NTNG2: variants seen among roughly 807,000 people sequenced by gnomAD.
NTNG2 encodes netrin G2, also known as netrin-G2.
In NTNG2, 15 loss-of-function variants were observed where a neutral mutation model predicts 47.6. The ratio of observed to expected loss-of-function variants is 0.32; its 90% CI spans 0.21 to 0.49. The LOEUF is 0.49. NTNG2 is among the 20% of genes least tolerant of loss of function. The pLI is 0.99. For missense variants in NTNG2, 578 were observed against 764.6 expected (o/e 0.76, Z 2.88); for synonymous variants, 307 against 324.6 (o/e 0.95, Z 0.58).
rs1169197909 is a variant in NTNG2 at position 132,215,462 on chromosome 9, C to G, written c.858-11387C>G. ...GGGTGTGGTGGCGGGCGCCTGTAAT[C>G]CCAGCTACTCGGGAGGCTGAGGCAG... On this transcript the variant is annotated intron_variant, in intron 3 of 7. Coordinates refer to ENST00000393229, the MANE Select transcript of NTNG2 (RefSeq NM_032536.4). The surrounding 1 kb of genome is among the most constrained non-coding windows in gnomAD (Gnocchi z 4.2). 2.1e-5 allele frequency among the ~76,000 whole-genome samples: 3 copies of G among 143,086 alleles called. No homozygotes were observed. Among genetic ancestry groups the G allele is most frequent in the African/African-American group, 8.0e-5 (3 of 37,586 alleles). 93.9% of individuals were successfully genotyped at this position (143,086 alleles called of 152,430 possible). A position where few individuals can be genotyped will look rare whatever the true frequency, so the allele number is the denominator to read the frequency against.
intron 1 of NTNG2, chr9:132,166,062 G>C (rs552539292): frequency 6.6e-6 from 1 of 152,364 alleles, no homozygotes; most frequent in East Asian, 1.9e-4. Flanking sequence ...GATGGATTGA[G>C]AGCTGAGATC....
Position 132,189,068 on chromosome 9 carries a change from C to CTTTTTTTTTTTTTTTTTTTTT in NTNG2, c.214-8891_214-8871dup, listed in dbSNP as rs749756559. ...TATGTGAAAAAGGCTTTAAGCCTTT[C>CTTTTTTTTTTTTTTTTTTTTT]TTTTTTTTTTTTTTTTTTTTTTTTT... On this transcript the variant is annotated intron_variant, in intron 2 of 7. Coordinates refer to ENST00000393229, the MANE Select transcript of NTNG2 (RefSeq NM_032536.4). Among the ~76,000 whole-genome samples, 367 of 93,276 alleles carry CTTTTTTTTTTTTTTTTTTTTT rather than the reference C, an allele frequency of 3.9e-3. 80 individuals are homozygous for CTTTTTTTTTTTTTTTTTTTTT. Among genetic ancestry groups the CTTTTTTTTTTTTTTTTTTTTT allele is most frequent in the Middle Eastern group, 0.02 (3 of 150 alleles). The allele number at this position is 93,276 out of a possible 152,430, so 61.2% of individuals were successfully genotyped here.
rs112765705 is a variant in NTNG2 at position 132,167,924 on chromosome 9, G to A, written c.213+880G>A. 1.4e-4 allele frequency among the ~76,000 whole-genome samples: 22 copies of A among 152,316 alleles called. 1 individual carries two copies. Among genetic ancestry groups the A allele is most frequent in the African/African-American group, 3.9e-4 (16 of 41,552 alleles). ...CAGGGGAGGGCTCTGGCCCAGTGAC[G>A]TCTGTGGGCTTCTGTTCTGTCATCT... On this transcript the variant is annotated intron_variant, in intron 2 of 7. Coordinates refer to ENST00000393229, the MANE Select transcript of NTNG2 (RefSeq NM_032536.4).
At position 132,163,043 on chromosome 9, in the gene NTNG2, G is replaced by A. The variant is rs1835202046; in HGVS notation, c.-484+804G>A. On this transcript the variant is annotated intron_variant, in intron 1 of 7. Transcript: ENST00000393229. The surrounding 1 kb of genome is among the most constrained non-coding windows in gnomAD (Gnocchi z 7.2). ...CACAGGCGGCAGCGCCGGGGCAAAG[G>A]ATACAGCCAGTTCCTGGGCGCCCTG... Among the ~76,000 whole-genome samples, 1 of 152,190 alleles carries A rather than the reference G, an allele frequency of 6.6e-6. No homozygotes were observed. The highest frequency in any genetic ancestry group is 2.4e-5 in the African/African-American group (1 of 41,440).
At chr9:132,223,902 C>G (rs141482864) in intron 3 of NTNG2, among the ~76,000 whole-genome samples, 1 of 152,028 alleles carries the variant, frequency 6.6e-6, no homozygotes, top group Non-Finnish European at 1.5e-5. Context: ...GTCTCCTGGT[C>G]TGGCCTCCTC....
intron 2 of NTNG2, among the ~76,000 whole-genome samples, chr9:132,175,459 G>A (rs1398222897): frequency 6.6e-6 from 1 of 152,218 alleles, no homozygotes; most frequent in Non-Finnish European, 1.5e-5. Flanking sequence ...CGTGGTTGCT[G>A]AGCCATGGCC....
intron 3 of NTNG2, among the ~76,000 whole-genome samples, chr9:132,206,738 T>C (rs754309960): frequency 5.3e-5 from 8 of 152,240 alleles, no homozygotes; most frequent in Non-Finnish European, 1.0e-4. Context: ...ACAGACATTT[T>C]GTTAAGTACA....
chr9:132,196,750 C>T (rs774014170), intron 2 of NTNG2, among the ~76,000 whole-genome samples: 21 of 152,166 alleles, frequency 1.4e-4, no homozygotes, highest in Non-Finnish European at 1.2e-4. Flanking sequence ...CCGATGATTC[C>T]GTTCAATTGT....
intron 3 of NTNG2, among the ~76,000 whole-genome samples, chr9:132,203,912 G>A (rs1244682848): frequency 6.6e-6 from 1 of 152,228 alleles, no homozygotes; most frequent in African/African-American, 2.4e-5. Flanking sequence ...GAACAGGAAA[G>A]GAGGAATGAG....
intron 5 of NTNG2, among the ~76,000 whole-genome samples, chr9:132,237,789 G>A (rs532127278): frequency 6.6e-6 from 1 of 152,334 alleles, no homozygotes; most frequent in East Asian, 1.9e-4. Flanking sequence ...GCCCATCCCG[G>A]CTCCCCTGGG....
At chr9:132,217,857 A>T (rs1840093046) in intron 3 of NTNG2, among the ~76,000 whole-genome samples, 1 of 152,200 alleles carries the variant, frequency 6.6e-6, no homozygotes, top group African/African-American at 2.4e-5. Context: ...GGATGGGGTT[A>T]CCATCTCTCA....
intron 2 of NTNG2, among the ~76,000 whole-genome samples, chr9:132,179,050 G>C (rs751350282): frequency 4.6e-5 from 7 of 151,924 alleles, no homozygotes; most frequent in Non-Finnish European, 8.8e-5. Flanking sequence ...GAGGGTTGGA[G>C]TGACTTCCTT....
At position 132,208,455 on chromosome 9, in the gene NTNG2, G is replaced by C. The variant is rs566321216; in HGVS notation, c.857+9846G>C. On this transcript the variant is annotated intron_variant, in intron 3 of 7. Coordinates refer to ENST00000393229, the MANE Select transcript of NTNG2 (RefSeq NM_032536.4). This position sits in a 1 kb window ranked among gnomAD's most constrained non-coding sequence, Gnocchi z 4.0. ...CCGGTGTTTGGAAATCTGAGTTGGG[G>C]GTGGCGGTGCTGGAGGCCTGCAGGA... Among the ~76,000 whole-genome samples, 1 of 152,184 alleles carries C rather than the reference G, an allele frequency of 6.6e-6. No individual in the cohort carries two copies. Among genetic ancestry groups the C allele is most frequent in the Non-Finnish European group, 1.5e-5 (1 of 68,032 alleles).
chr9:132,221,855 G>A lies in NTNG2; in HGVS notation c.858-4994G>A, dbSNP rs191955940. 1.6e-4 allele frequency among the ~76,000 whole-genome samples: 24 copies of A among 152,274 alleles called. No individual in the cohort carries two copies. Among genetic ancestry groups the A allele is most frequent in the Non-Finnish European group, 2.9e-4 (20 of 68,028 alleles). On this transcript the variant is annotated intron_variant, in intron 3 of 7. Transcript: ENST00000393229. This position sits in a 1 kb window ranked among gnomAD's most constrained non-coding sequence, Gnocchi z 4.2. The stretch of plus-strand genomic sequence containing the variant: ...CTGTTACAATATGCTTCTTGGATTC[G>A]GCCGGTCTTCTATGCATCTTTACTA...
intron 3 of NTNG2, among the ~76,000 whole-genome samples, chr9:132,204,023 G>A (rs1043155328): frequency 1.3e-5 from 2 of 152,182 alleles, no homozygotes; most frequent in Non-Finnish European, 2.9e-5. Context: ...TGCCCATTCT[G>A]TTCAAAAGGA....
At chr9:132,188,452 G>T (rs1837573757) in intron 2 of NTNG2, among the ~76,000 whole-genome samples, 1 of 152,206 alleles carries the variant, frequency 6.6e-6, no homozygotes, top group South Asian at 2.1e-4. Context: ...AGCTCAGTGG[G>T]CCATCCCCTG....
At position 132,231,175 on chromosome 9, in the gene NTNG2, G is replaced by A; in HGVS notation, c.1054+580G>A. 1 of 392,924 alleles carries A rather than the reference G, an allele frequency of 2.5e-6. No homozygotes were observed. Among genetic ancestry groups the A allele is most frequent in the Non-Finnish European group, 5.1e-6 (1 of 195,224 alleles). The allele number at this position is 392,924 out of a possible 1,614,324, so 24.3% of individuals were successfully genotyped here. A position where few individuals can be genotyped will look rare whatever the true frequency, so the allele number is the denominator to read the frequency against. On this transcript the variant is annotated intron_variant, in intron 5 of 7. Transcript: ENST00000393229. The surrounding 1 kb of genome is among the most constrained non-coding windows in gnomAD (Gnocchi z 4.1). ...CCAGGGAGGGGCATCTGCAGGAGGT[G>A]GGGGTCCTGAGAGTTCCCCAGGAGG...
chr9:132,201,761 A>G (rs1838769874), intron 3 of NTNG2, among the ~76,000 whole-genome samples: 1 of 152,084 alleles, frequency 6.6e-6, no homozygotes, highest in African/African-American at 2.4e-5. Context: ...CTTCATGTGT[A>G]TTTTCTTGTT....
At chr9:132,202,347 T>C (rs1225816756) in intron 3 of NTNG2, among the ~76,000 whole-genome samples, 3 of 151,884 alleles carry the variant, frequency 2.0e-5, no homozygotes, top group Non-Finnish European at 4.4e-5. Flanking sequence ...AAGGAGGGAC[T>C]GGTACAAATG....
Sources: gnomAD v4.1 joint callset for allele counts (sites outside exome capture counted in the v4.1 genomes callset) on GRCh38, gnomAD v4.1.1 for gene constraint, Gnocchi (gnomAD v3.1) non-coding constraint, MANE v1.5 for transcripts, NCBI Gene and HGNC (gene_info 2026-07-23, HGNC 2026-07-21) for gene names.